Variants in PCSK2 observed in about 807,000 individuals in gnomAD.
The protein encoded by PCSK2 is proprotein convertase subtilisin/kexin type 2.
Under a neutral mutation model 69.7 loss-of-function variants are expected in PCSK2, and 14 were observed. That is an observed-to-expected ratio of 0.20 (90% CI 0.13 to 0.31). The LOEUF is 0.31. Among genes scored for constraint, PCSK2 ranks in the 10% least tolerant of loss-of-function variants. The pLI is 1.00. For missense variants in PCSK2, 544 were observed against 842.5 expected (o/e 0.65, Z 4.39); for synonymous variants, 307 against 320.7 (o/e 0.96, Z 0.46).
chr20:17,354,788 C>T (rs1005463071), intron 2 of PCSK2, among the ~76,000 whole-genome samples: 5 of 151,992 alleles, frequency 3.3e-5, no homozygotes, highest in Admixed American at 2.0e-4. Context: ...GAATTCACAA[C>T]TTTATAGTAT....
chr20:17,423,827 G>T (rs2123328279), intron 6 of PCSK2, among the ~76,000 whole-genome samples: 1 of 152,258 alleles, frequency 6.6e-6, no homozygotes. Context: ...GAAATTCACA[G>T]AAAAGAAAAT....
intron 2 of PCSK2, among the ~76,000 whole-genome samples, chr20:17,352,585 G>A (rs2030029201): frequency 6.6e-6 from 1 of 152,142 alleles, no homozygotes; most frequent in Non-Finnish European, 1.5e-5. Context: ...GTCTACAAAA[G>A]TAAGCAATGG....
At chr20:17,277,928 T>A (rs1181246812) in intron 2 of PCSK2, among the ~76,000 whole-genome samples, 1 of 152,040 alleles carries the variant, frequency 6.6e-6, no homozygotes, top group Non-Finnish European at 1.5e-5. Flanking sequence ...CAGACACTTC[T>A]CAAAAGAAGA....
intron 2 of PCSK2, among the ~76,000 whole-genome samples, chr20:17,355,355 A>C (rs2030157452): frequency 6.6e-6 from 1 of 152,142 alleles, no homozygotes; most frequent in African/African-American, 2.4e-5. Context: ...CCTCTCAGGG[A>C]AGTTATTTAC....
chr20:17,359,532 T>C (rs1182366504), intron 3 of PCSK2, among the ~76,000 whole-genome samples: 1 of 152,166 alleles, frequency 6.6e-6, no homozygotes, highest in South Asian at 2.1e-4. Flanking sequence ...AAGGGGCAAA[T>C]TGTAGAATTT....
intron 6 of PCSK2, among the ~76,000 whole-genome samples, chr20:17,427,146 G>C (rs1238077426): frequency 1.3e-5 from 2 of 152,184 alleles, no homozygotes; most frequent in African/African-American, 4.8e-5. Flanking sequence ...ATAGGCTGTT[G>C]TGAGGATTTA....
At chr20:17,449,072 C>T (rs987528564) in intron 8 of PCSK2, among the ~76,000 whole-genome samples, 2 of 152,112 alleles carry the variant, frequency 1.3e-5, no homozygotes, top group Non-Finnish European at 2.9e-5. Context: ...GTGGGCCTCT[C>T]GCTACTTTGC....
At chr20:17,477,584 T>C (rs2038080347) in intron 11 of PCSK2, among the ~76,000 whole-genome samples, 1 of 152,176 alleles carries the variant, frequency 6.6e-6, no homozygotes. Context: ...CAAAGATCAC[T>C]GCGTTGAACT....
At chr20:17,245,440 G>C (rs1280990947) in intron 1 of PCSK2, among the ~76,000 whole-genome samples, 1 of 152,154 alleles carries the variant, frequency 6.6e-6, no homozygotes, top group Non-Finnish European at 1.5e-5. Flanking sequence ...GAAGATACTA[G>C]CATGTAATTT....
At chr20:17,248,395 G>A (rs921094647) in intron 1 of PCSK2, among the ~76,000 whole-genome samples, 8 of 152,106 alleles carry the variant, frequency 5.3e-5, no homozygotes, top group African/African-American at 1.7e-4. Context: ...ACATCCTTGA[G>A]GTCTGTGTAG....
intron 8 of PCSK2, among the ~76,000 whole-genome samples, chr20:17,451,576 T>C (rs1196926754): frequency 6.6e-6 from 1 of 152,170 alleles, no homozygotes; most frequent in Non-Finnish European, 1.5e-5. Context: ...TGTTTGGAAC[T>C]GATACAGAAT....
rs556355764 is a variant in PCSK2, at chr20:17,227,671, A to G, written c.177+189A>G. ...CGGTTATGTAATTAAAATGTCCTTC[A>G]TCTGTACTAGTAAGGTCATCAAAAT... is the stretch of plus-strand genomic sequence containing the variant. On this transcript the variant is annotated intron_variant, in intron 1 of 11. Coordinates refer to ENST00000262545, the MANE Select transcript of PCSK2 (RefSeq NM_002594.5). 6.9e-4 allele frequency among the ~76,000 whole-genome samples: 105 copies of G among 152,264 alleles called. 1 individual carries two copies. The highest frequency in any genetic ancestry group is 5.1e-4 in the Non-Finnish European group (35 of 68,018).
chr20:17,387,400 G>A (rs536416979), intron 5 of PCSK2, among the ~76,000 whole-genome samples: 85 of 152,214 alleles, frequency 5.6e-4, no homozygotes, highest in African/African-American at 1.7e-3. Flanking sequence ...CGTGTTTCTC[G>A]TGAGGTTGCA....
At chr20:17,435,432 T>C (rs2032465674) in intron 7 of PCSK2, among the ~76,000 whole-genome samples, 1 of 152,140 alleles carries the variant, frequency 6.6e-6, no homozygotes. Context: ...AAGAGGAAAG[T>C]GAGATCCTCG....
chr20:17,455,704 C>A (rs1251614178), intron 9 of PCSK2, among the ~76,000 whole-genome samples: 1 of 152,218 alleles, frequency 6.6e-6, no homozygotes, highest in Non-Finnish European at 1.5e-5. Context: ...ACATCACTTT[C>A]CACTTCATAA....
At chr20:17,461,159 A>G (rs546898849) in intron 10 of PCSK2, among the ~76,000 whole-genome samples, 1 of 152,286 alleles carries the variant, frequency 6.6e-6, no homozygotes, top group South Asian at 2.1e-4. Flanking sequence ...ATCAGGTTTC[A>G]CTTTCTTTGA....
rs569922481 is a variant in PCSK2 at position 17,472,299 on chromosome 20, C to T, written c.1430+6746C>T. Among the ~76,000 whole-genome samples, 5 of 152,318 alleles carry T rather than the reference C, an allele frequency of 3.3e-5. No individual in the cohort carries two copies. In the South Asian group the frequency reaches 6.2e-4, roughly 19 times the overall value. On this transcript the variant is annotated intron_variant, in intron 11 of 11. Coordinates refer to ENST00000262545, the MANE Select transcript of PCSK2 (RefSeq NM_002594.5). ...AAATGTTAAAACCTGGTATCAATGC[C>T]GGAAGCAGCATGGGAGTGAGAGGTC...
chr20:17,253,584 A>T (rs2122982094), intron 1 of PCSK2, among the ~76,000 whole-genome samples: 1 of 152,300 alleles, frequency 6.6e-6, no homozygotes, highest in East Asian at 1.9e-4. Context: ...GTACATATAT[A>T]TCATTTTGTT....
intron 5 of PCSK2, among the ~76,000 whole-genome samples, chr20:17,404,620 T>G (rs2031714034): frequency 6.6e-6 from 1 of 152,148 alleles, no homozygotes; most frequent in African/African-American, 2.4e-5. Context: ...CCCAACAAGG[T>G]AGTCAGCCTA....
Sources: allele counts gnomAD v4.1 joint callset (sites outside exome capture counted in the v4.1 genomes callset), GRCh38; gene constraint gnomAD v4.1.1; transcripts MANE v1.5; gene names NCBI Gene and HGNC (gene_info 2026-07-23, HGNC 2026-07-21).